Variants in OTUD7A observed in about 807,000 individuals in gnomAD.
OTUD7A encodes OTU deubiquitinase 7A.
OTUD7A carries 12 observed loss-of-function variants against 65.7 expected under a neutral mutation model. The observed-to-expected ratio is 0.18, with a 90% CI of 0.12 to 0.30. The LOEUF (loss-of-function observed/expected upper bound fraction) is 0.30, where lower values mean the gene tolerates loss of function less well. Among genes scored for constraint, OTUD7A ranks in the 10% least tolerant of loss-of-function variants. OTUD7A has a pLI of 1.00. For missense variants in OTUD7A, 1,148 were observed against 1,304.8 expected, an observed-to-expected ratio of 0.88 and a Z score of 1.85; for synonymous variants, 641 against 586.3, an observed-to-expected ratio of 1.09 and a Z score of -1.35.
chr15:31,608,714 T>C (rs1054266816), intron 3 of OTUD7A, among the ~76,000 whole-genome samples: 1 of 152,164 alleles, frequency 6.6e-6, no homozygotes, highest in African/African-American at 2.4e-5. Flanking sequence ...CAGGATGGGA[T>C]AGAAGCAATA....
chr15:31,653,976 A>C (rs1566961910), intron 3 of OTUD7A, among the ~76,000 whole-genome samples: 1 of 98,836 alleles, frequency 1.0e-5, no homozygotes, highest in Non-Finnish European at 2.0e-5. Context: ...AGGTGGGTTA[A>C]GCTCAACATA....
intron 3 of OTUD7A, among the ~76,000 whole-genome samples, chr15:31,638,134 C>G (rs12324540): frequency 3.3e-5 from 5 of 151,632 alleles, no homozygotes; most frequent in Non-Finnish European, 7.4e-5. Context: ...TCAAACTTCA[C>G]GATTGTCTTA....
chr15:31,631,013 C>T (rs1247344154), intron 3 of OTUD7A, among the ~76,000 whole-genome samples: 2 of 152,290 alleles, frequency 1.3e-5, no homozygotes, highest in African/African-American at 4.8e-5. Context: ...CTGAATACAG[C>T]ACACTGATGG....
intron 1 of OTUD7A, chr15:31,766,462 C>G: frequency 1.9e-6 from 3 of 1,591,004 alleles, no homozygotes; most frequent in Non-Finnish European, 2.6e-6. Context: ...AGTAAAGAGT[C>G]TTCTGAAAGT....
intron 4 of OTUD7A, among the ~76,000 whole-genome samples, chr15:31,567,956 T>C (rs1254005460): frequency 1.3e-5 from 2 of 152,240 alleles, no homozygotes; most frequent in East Asian, 1.9e-4. Flanking sequence ...AGAGGATGTA[T>C]GGAAAAGCCT....
At chr15:31,765,926 G>A (rs992238948) in intron 1 of OTUD7A, 3 of 1,305,506 alleles carry the variant, frequency 2.3e-6, no homozygotes. Flanking sequence ...GTAAAGTCCT[G>A]TTTTTAACAA....
In OTUD7A at chr15:31,796,507, T is replaced by C. The variant is rs189510277; in HGVS notation, c.-100+74000A>G. Among the ~76,000 whole-genome samples, 38 of 152,346 alleles carry C rather than the reference T, an allele frequency of 2.5e-4. No homozygotes were observed. The East Asian group carries it at 6.2e-3, about 25-fold the overall frequency. ...GTTTTATTCAGTCTTCTGATTCAAA[T>C]ATTAATCTCATCTAAAAATTACCTT... On this transcript the variant is annotated intron_variant, in intron 1 of 12. Coordinates refer to ENST00000307050, the MANE Select transcript of OTUD7A (RefSeq NM_001382637.1).
chr15:31,598,753 C>G (rs1002349570), intron 3 of OTUD7A, among the ~76,000 whole-genome samples: 1 of 152,206 alleles, frequency 6.6e-6, no homozygotes, highest in African/African-American at 2.4e-5. Flanking sequence ...CTAAGATGCA[C>G]TGGCTTGAAA....
intron 1 of OTUD7A, among the ~76,000 whole-genome samples, chr15:31,805,299 T>C (rs540569133): frequency 6.6e-6 from 1 of 152,212 alleles, no homozygotes; most frequent in Non-Finnish European, 1.5e-5. Flanking sequence ...CCTAGAGAGC[T>C]GGACAATTTG....
At chr15:31,593,281 T>A (rs1048475463) in intron 3 of OTUD7A, among the ~76,000 whole-genome samples, 1 of 151,848 alleles carries the variant, frequency 6.6e-6, no homozygotes, top group Non-Finnish European at 1.5e-5. Flanking sequence ...AGGACCTACA[T>A]CTCCTATTGG....
At chr15:31,576,421 G>A (rs181895757) in intron 3 of OTUD7A, among the ~76,000 whole-genome samples, 16 of 152,336 alleles carry the variant, frequency 1.1e-4, no homozygotes, top group Admixed American at 9.8e-4. Flanking sequence ...CCTCTCACAT[G>A]TAAATTGTGT....
intron 1 of OTUD7A, among the ~76,000 whole-genome samples, chr15:31,683,464 T>C (rs1232685918): frequency 6.6e-6 from 1 of 152,192 alleles, no homozygotes; most frequent in African/African-American, 2.4e-5. Context: ...TCCATGCAGG[T>C]ATTCCAAAAA....
chr15:31,592,905 A>ATG (rs1889782097), intron 3 of OTUD7A, among the ~76,000 whole-genome samples: 49 of 32,238 alleles, frequency 1.5e-3, no homozygotes, highest in Admixed American at 0.013. Context: ...AAAAAAAAAA[A>ATG]TATATATATA....
At chr15:31,859,296 C>G (rs1897659152) in intron 1 of OTUD7A, among the ~76,000 whole-genome samples, 1 of 152,152 alleles carries the variant, frequency 6.6e-6, no homozygotes, top group Non-Finnish European at 1.5e-5. Flanking sequence ...TAGAGCTAAT[C>G]AATGTATGCC....
intron 3 of OTUD7A, among the ~76,000 whole-genome samples, chr15:31,601,950 A>C (rs2141211632): frequency 6.6e-6 from 1 of 152,326 alleles, no homozygotes; most frequent in East Asian, 1.9e-4. Context: ...TCTGAAATTG[A>C]GGCAGTAATT....
rs1298272546 is a variant in OTUD7A, at chr15:31,833,165, C to T, written c.-100+37342G>A. On this transcript the variant is annotated intron_variant, in intron 1 of 12. Coordinates refer to ENST00000307050, the MANE Select transcript of OTUD7A (RefSeq NM_001382637.1). ...AGGATACAAGCCTATGCTCCTTTCC[C>T]AGAGAAAAAATGAAGAGGCCTTTAT... Among the ~76,000 whole-genome samples, 3 of 152,114 alleles carry T rather than the reference C, an allele frequency of 2.0e-5. 1 individual carries two copies. Among genetic ancestry groups the T allele is most frequent in the Admixed American group, 1.3e-4 (2 of 15,266 alleles).
In OTUD7A at chr15:31,631,822, G is replaced by A. The variant is rs551087821; in HGVS notation, c.151+23274C>T. 4.6e-4 allele frequency among the ~76,000 whole-genome samples: 70 copies of A among 151,870 alleles called. 1 individual carries two copies. Among genetic ancestry groups the A allele is most frequent in the Non-Finnish European group, 8.7e-4 (59 of 67,954 alleles). On this transcript the variant is annotated intron_variant, in intron 3 of 12. Coordinates refer to ENST00000307050, the MANE Select transcript of OTUD7A (RefSeq NM_001382637.1). ...CTTTTTTCTCTAATCTTCCCTTCTC[G>A]CTTCATTTCATTCATTTCATCTTCC...
chr15:31,547,021 C>G (rs1888152116), intron 5 of OTUD7A, among the ~76,000 whole-genome samples: 1 of 118,600 alleles, frequency 8.4e-6, no homozygotes, highest in Admixed American at 9.0e-5. Flanking sequence ...CACTTTCCCA[C>G]ATGTACATTT....
intron 1 of OTUD7A, among the ~76,000 whole-genome samples, chr15:31,850,634 T>C (rs1897400798): frequency 6.6e-6 from 1 of 152,146 alleles, no homozygotes; most frequent in African/African-American, 2.4e-5. Flanking sequence ...CCCATCCTTC[T>C]GCTCACACCC....
Sources: gnomAD v4.1 joint callset for allele counts (sites outside exome capture counted in the v4.1 genomes callset) on GRCh38, gnomAD v4.1.1 for gene constraint, MANE v1.5 for transcripts, NCBI Gene and HGNC (gene_info 2026-07-23, HGNC 2026-07-21) for gene names.